The following ANKRD30BL variants were observed in gnomAD, a reference collection of about 807,000 sequenced individuals.
The protein encoded by ANKRD30BL is putative ankyrin repeat domain-containing protein 30B-like.
In ANKRD30BL, 20 loss-of-function variants were observed where a neutral mutation model predicts 18.4. The ratio of observed to expected loss-of-function variants is 1.09; its 90% CI spans 0.77 to 1.58. The LOEUF (loss-of-function observed/expected upper bound fraction) is 1.58, where lower values mean the gene tolerates loss of function less well. ANKRD30BL is among the 40% of genes most tolerant of loss of function. ANKRD30BL has a pLI of 0.00. For synonymous variants in ANKRD30BL, 72 were observed against 100.9 expected (o/e 0.71, Z 1.72); for missense variants, 224 against 268.6 (o/e 0.83, Z 1.16).
intron 4 of ANKRD30BL, among the ~76,000 whole-genome samples, chr2:132,154,152 G>T (rs1383655765): frequency 3.3e-5 from 5 of 152,096 alleles, no homozygotes; most frequent in Non-Finnish European, 5.9e-5. Context: ...TTTTCATTGA[G>T]ATGGAGTTTT....
chr2:132,237,605 A>T (rs1680192368), intron 1 of ANKRD30BL, among the ~76,000 whole-genome samples: 1 of 152,094 alleles, frequency 6.6e-6, no homozygotes, highest in African/African-American at 2.4e-5. Context: ...CTTCGCTGGA[A>T]ACGGGTATGT....
At chr2:132,234,463 G>C (rs1485200103) in intron 1 of ANKRD30BL, among the ~76,000 whole-genome samples, 5 of 152,028 alleles carry the variant, frequency 3.3e-5, no homozygotes, top group South Asian at 4.1e-4. Flanking sequence ...GAAAAAAAGA[G>C]AGAAGAATCA....
At chr2:132,188,839 G>T (rs1261410982) in intron 1 of ANKRD30BL, among the ~76,000 whole-genome samples, 1 of 152,150 alleles carries the variant, frequency 6.6e-6, no homozygotes, top group Non-Finnish European at 1.5e-5. Flanking sequence ...ATACATAAAA[G>T]AAAAGATTGG....
chr2:132,161,985 G>A (rs1014575347), upstream of ANKRD30BL: 8 of 324,838 alleles, frequency 2.5e-5, no homozygotes, highest in African/African-American at 1.7e-4. Context: ...AGCAGACCTG[G>A]GAGACACGCG....
intron 1 of ANKRD30BL, among the ~76,000 whole-genome samples, chr2:132,191,539 C>G (rs1678849374): frequency 6.6e-6 from 1 of 152,052 alleles, no homozygotes; most frequent in African/African-American, 2.4e-5. Flanking sequence ...CTCAAACATT[C>G]AGAATTGACA....
intron 1 of ANKRD30BL, among the ~76,000 whole-genome samples, chr2:132,213,321 T>C (rs1679405721): frequency 6.6e-6 from 1 of 151,924 alleles, no homozygotes; most frequent in South Asian, 2.1e-4. Flanking sequence ...ATAAATACTA[T>C]ACAGAAACAT....
intron 1 of ANKRD30BL, among the ~76,000 whole-genome samples, chr2:132,229,234 G>A (rs1220149980): frequency 6.6e-6 from 1 of 152,094 alleles, no homozygotes; most frequent in African/African-American, 2.4e-5. Flanking sequence ...GAATCTGCAA[G>A]TGGACCTTTC....
intron 1 of ANKRD30BL, among the ~76,000 whole-genome samples, chr2:132,224,090 G>T (rs1679774623): frequency 6.6e-6 from 1 of 152,110 alleles, no homozygotes; most frequent in South Asian, 2.1e-4. Context: ...TCGGCAAGAG[G>T]ATATTTGTGC....
At chr2:132,210,112 T>C (rs1679305420) in intron 1 of ANKRD30BL, among the ~76,000 whole-genome samples, 1 of 152,068 alleles carries the variant, frequency 6.6e-6, no homozygotes, top group Admixed American at 6.6e-5. Flanking sequence ...TTTCTTTTGA[T>C]TGAGGAGTTT....
At chr2:132,204,414 G>T (rs1281625137) in intron 1 of ANKRD30BL, among the ~76,000 whole-genome samples, 1 of 151,562 alleles carries the variant, frequency 6.6e-6, no homozygotes, top group African/African-American at 2.4e-5. Flanking sequence ...TATATATATA[G>T]TATATAGCAT....
chr2:132,189,032 G>T (rs1288799959), intron 1 of ANKRD30BL, among the ~76,000 whole-genome samples: 1 of 152,034 alleles, frequency 6.6e-6, no homozygotes, highest in East Asian at 1.9e-4. Flanking sequence ...CCAGTCACAG[G>T]TTATACCAAT....
chr2:132,193,185 C>T (rs1486251059), intron 1 of ANKRD30BL, among the ~76,000 whole-genome samples: 1 of 152,190 alleles, frequency 6.6e-6, no homozygotes, highest in African/African-American at 2.4e-5. Context: ...ACAACAGTCA[C>T]ACATATGCAG....
rs2104943842 is a variant in ANKRD30BL at position 132,175,553 on chromosome 2, A to G, written n.442-18407T>C. Among the ~76,000 whole-genome samples, 2 of 152,322 alleles carry G rather than the reference A, an allele frequency of 1.3e-5. 1 individual carries two copies. The highest frequency in any genetic ancestry group is 4.1e-4 in the South Asian group (2 of 4,828). On this transcript the variant is annotated intron_variant and non_coding_transcript_variant, in intron 1 of 4. Transcript: ENST00000470729. ...GTGGCCTTCCTCTATCTCAACTGCA[A>G]GAGGCTTTCCTGTTTTACTAATCCA...
At chr2:132,158,076 A>T (rs973156845) in intron 1 of ANKRD30BL, among the ~76,000 whole-genome samples, 10 of 152,172 alleles carry the variant, frequency 6.6e-5, no homozygotes, top group African/African-American at 2.2e-4. Context: ...TGGTACATAA[A>T]TAAGGAGGCA....
chr2:132,208,730 T>G (rs1223301282), intron 1 of ANKRD30BL, among the ~76,000 whole-genome samples: 1 of 151,514 alleles, frequency 6.6e-6, no homozygotes, highest in African/African-American at 2.4e-5. Context: ...TTTAAATGTG[T>G]GCCCTCAGAT....
intron 1 of ANKRD30BL, among the ~76,000 whole-genome samples, chr2:132,255,991 C>A (rs1245708601): frequency 6.6e-6 from 1 of 152,168 alleles, no homozygotes; most frequent in Admixed American, 6.5e-5. Context: ...CACGCATCTT[C>A]CCTGTGAAGG....
chr2:132,188,324 T>C (rs937495773), intron 1 of ANKRD30BL, among the ~76,000 whole-genome samples: 1 of 152,174 alleles, frequency 6.6e-6, no homozygotes, highest in Admixed American at 6.5e-5. Flanking sequence ...AATCTCAAAA[T>C]AGTGGAATGT....
At chr2:132,242,520 A>G (rs1010048019) in intron 1 of ANKRD30BL, among the ~76,000 whole-genome samples, 1 of 148,298 alleles carries the variant, frequency 6.7e-6, no homozygotes, top group Non-Finnish European at 1.5e-5. Context: ...TTTGTGGCCT[A>G]TGGTGAAAAA....
At chr2:132,186,834 CAATA>C (rs1688568480) in intron 1 of ANKRD30BL, among the ~76,000 whole-genome samples, 1 of 152,016 alleles carries the variant, frequency 6.6e-6, no homozygotes, top group African/African-American at 2.4e-5. Context: ...TATTTTGGAT[CAATA>C]AATGTCTTTC....
Sources: allele counts gnomAD v4.1 joint callset (sites outside exome capture counted in the v4.1 genomes callset), GRCh38; gene constraint gnomAD v4.1.1; transcripts MANE v1.5; gene names NCBI Gene and HGNC (gene_info 2026-07-23, HGNC 2026-07-21).